Variants in NOL4L observed in about 807,000 individuals in gnomAD.
The protein encoded by NOL4L is nucleolar protein 4-like.
In NOL4L, 7 loss-of-function variants were observed where a neutral mutation model predicts 64.5. That is an observed-to-expected ratio of 0.11 (90% CI 0.06 to 0.20). The LOEUF is 0.20. NOL4L is among the 10% of genes least tolerant of loss of function. The probability of loss-of-function intolerance (pLI) is 1.00; values close to 1 mark genes in which losing one functional copy is unlikely to be tolerated. For synonymous variants in NOL4L, 413 were observed against 401.0 expected, an observed-to-expected ratio of 1.03 and a Z score of -0.36; for missense variants, 680 against 967.1, an observed-to-expected ratio of 0.70 and a Z score of 3.94.
At chr20:32,458,457 C>T (rs530638677) in intron 5 of NOL4L, among the ~76,000 whole-genome samples, 1 of 152,216 alleles carries the variant, frequency 6.6e-6, no homozygotes, top group Admixed American at 6.5e-5. Context: ...CTTCCCCTGG[C>T]CCAGGGTCAT....
intron 1 of NOL4L, among the ~76,000 whole-genome samples, chr20:32,559,517 C>G (rs1449931682): frequency 1.3e-5 from 2 of 152,220 alleles, no homozygotes; most frequent in Non-Finnish European, 2.9e-5. Flanking sequence ...TCTCTTTGTT[C>G]CCGGCACTGC....
In NOL4L at chr20:32,464,150, G is replaced by A. The variant is rs1313653857; in HGVS notation, c.842-7755C>T. 6.6e-6 allele frequency among the ~76,000 whole-genome samples: 1 copy of A among 152,188 alleles called. No individual in the cohort carries two copies. Among genetic ancestry groups the A allele is most frequent in the African/African-American group, 2.4e-5 (1 of 41,440 alleles). ...CAGTAGGGCTATGGGCTGTGGTCTG[G>A]GGGTGCTGACCCTGCTCTGAATTTG... is the stretch of plus-strand genomic sequence containing the variant. On this transcript the variant is annotated intron_variant, in intron 5 of 10. Coordinates refer to ENST00000621426, the MANE Select transcript of NOL4L (RefSeq NM_001256798.2). This position sits in a 1 kb window ranked among gnomAD's most constrained non-coding sequence, Gnocchi z 5.6.
rs764808173 is a variant in NOL4L at position 32,445,174 on chromosome 20, A to G, written c.*2422T>C. 8 of 152,264 alleles carry G rather than the reference A, an allele frequency of 5.3e-5. No homozygotes were observed. Among genetic ancestry groups the G allele is most frequent in the Non-Finnish European group, 1.0e-4 (7 of 68,046 alleles). The allele number at this position is 152,264 out of a possible 1,614,324, so 9.4% of individuals were successfully genotyped here. ...ATTCTTTCCTTTCTCTTGAAAACAC[A>G]TTGAACCTACGCTCTTGCCGCAGTA... On this transcript the variant is annotated 3_prime_UTR_variant, in exon 11 of 11. Transcript: ENST00000621426.
intron 4 of NOL4L, among the ~76,000 whole-genome samples, chr20:32,485,078 A>AAAAAAAAAAAAAAAAAAAAAAAAAC (rs1568643165): frequency 6.8e-6 from 1 of 147,716 alleles, no homozygotes; most frequent in African/African-American, 2.5e-5. Context: ...AAAAAAAAAA[A>AAAAAAAAAAAAAAAAAAAAAAAAAC]AAAAAAAAAC....
rs2018702003 is a variant in NOL4L at position 32,544,259 on chromosome 20, T to TAGC, written c.322-16349_322-16347dup. ...GAGAGAAGTGGTTAGACCCAAGGTATAGCAGGGCCCAGGAGCTGCTGGAAG... is the reference window on the plus strand; with the variant it reads ...GAGAGAAGTGGTTAGACCCAAGGTATAGCAGCAGGGCCCAGGAGCTGCTGGAAG... On this transcript the variant is annotated intron_variant, in intron 1 of 10. Coordinates refer to ENST00000621426, the MANE Select transcript of NOL4L (RefSeq NM_001256798.2). Among the ~76,000 whole-genome samples, 13 of 147,898 alleles carry TAGC rather than the reference T, an allele frequency of 8.8e-5. No homozygotes were observed. In the South Asian group the frequency reaches 2.8e-3, roughly 32 times the overall value.
chr20:32,523,697 C>A (rs982932420), intron 2 of NOL4L, among the ~76,000 whole-genome samples: 1 of 152,208 alleles, frequency 6.6e-6, no homozygotes, highest in African/African-American at 2.4e-5. Flanking sequence ...AGTTCCAGGA[C>A]CCTTGTCCCT....
intron 5 of NOL4L, among the ~76,000 whole-genome samples, chr20:32,468,471 G>A (rs1192117215): frequency 6.6e-6 from 1 of 152,068 alleles, no homozygotes; most frequent in African/African-American, 2.4e-5. Context: ...CCCCATCTCT[G>A]CCAAGAGTGA....
At chr20:32,542,840 T>A (rs1392264393) in intron 1 of NOL4L, among the ~76,000 whole-genome samples, 1 of 152,206 alleles carries the variant, frequency 6.6e-6, no homozygotes, top group Admixed American at 6.5e-5. Flanking sequence ...AAGCTCTAGC[T>A]CTGGTGTCAG....
At chr20:32,541,693 G>T (rs909547567) in intron 1 of NOL4L, among the ~76,000 whole-genome samples, 1 of 152,270 alleles carries the variant, frequency 6.6e-6, no homozygotes, top group East Asian at 1.9e-4. Flanking sequence ...CCAAGACCCA[G>T]CAGCTTGGGC....
chr20:32,501,658 A>G (rs2016925697), intron 4 of NOL4L, among the ~76,000 whole-genome samples: 1 of 152,212 alleles, frequency 6.6e-6, no homozygotes, highest in African/African-American at 2.4e-5. Context: ...GTAAAGTTAA[A>G]ACTGTTCTCA....
intron 5 of NOL4L, among the ~76,000 whole-genome samples, chr20:32,466,406 G>A (rs150648196): frequency 0.016 from 2,418 of 152,260 alleles, 48 homozygotes; most frequent in African/African-American, 0.041. Flanking sequence ...GTCTCCCAGC[G>A]TCTCTCACCC....
chr20:32,518,214 G>A (rs1027694895), intron 3 of NOL4L, among the ~76,000 whole-genome samples: 1 of 152,238 alleles, frequency 6.6e-6, no homozygotes, highest in Admixed American at 6.5e-5. Flanking sequence ...TGAGGATGGG[G>A]GAGGATGGGT....
intron 2 of NOL4L, among the ~76,000 whole-genome samples, chr20:32,525,315 A>T (rs1371423273): frequency 3.3e-5 from 5 of 152,216 alleles, no homozygotes; most frequent in Non-Finnish European, 5.9e-5. Flanking sequence ...GCTCCAGCCC[A>T]TCCGCCTGGA....
intron 4 of NOL4L, among the ~76,000 whole-genome samples, chr20:32,499,157 G>A (rs1006228840): frequency 3.3e-5 from 5 of 152,238 alleles, no homozygotes; most frequent in African/African-American, 9.6e-5. Flanking sequence ...GATTACAGGC[G>A]TGAGCCACTG....
At chr20:32,488,806 T>TCC (rs1555796617) in intron 4 of NOL4L, among the ~76,000 whole-genome samples, 11 of 18,796 alleles carry the variant, frequency 5.9e-4, no homozygotes, top group South Asian at 5.0e-3. Context: ...TTTCTTTCTT[T>TCC]TTCTTTCTTT....
chr20:32,520,674 C>T (rs3746614), intron 3 of NOL4L, 137 bp downstream of exon 3: 158,261 of 523,250 alleles, frequency 0.3, 30,192 homozygotes, highest in East Asian at 0.82. Flanking sequence ...GGCAGCACCA[C>T]GGACCCATAC....
At chr20:32,575,107 G>C (rs146143666) in intron 1 of NOL4L, among the ~76,000 whole-genome samples, 1,654 of 152,148 alleles carry the variant, frequency 0.011, 19 homozygotes, top group South Asian at 0.017. Context: ...CACAGAATCT[G>C]AGCGTTCCTT....
chr20:32,502,742 C>T (rs913527512), intron 4 of NOL4L, among the ~76,000 whole-genome samples: 1 of 151,820 alleles, frequency 6.6e-6, no homozygotes, highest in Non-Finnish European at 1.5e-5. Context: ...GAAACCCCGT[C>T]TCTACTAAAA....
intron 4 of NOL4L, among the ~76,000 whole-genome samples, chr20:32,506,114 C>T (rs1038218620): frequency 6.6e-6 from 1 of 152,098 alleles, no homozygotes; most frequent in Non-Finnish European, 1.5e-5. Flanking sequence ...GGGCTTGTTT[C>T]CTTCTCCATT....
Sources: gnomAD v4.1 joint callset for allele counts (sites outside exome capture counted in the v4.1 genomes callset) on GRCh38, gnomAD v4.1.1 for gene constraint, Gnocchi (gnomAD v3.1) non-coding constraint, MANE v1.5 for transcripts, NCBI Gene and HGNC (gene_info 2026-07-23, HGNC 2026-07-21) for gene names.